Variants in CNTNAP2 observed in about 807,000 individuals in gnomAD.
CNTNAP2 encodes contactin-associated protein-like 2.
CNTNAP2 carries 98 observed loss-of-function variants against 155.2 expected under a neutral mutation model. The observed-to-expected ratio is 0.63, with a 90% CI of 0.54 to 0.75. The LOEUF (loss-of-function observed/expected upper bound fraction) is 0.75, where lower values mean the gene tolerates loss of function less well. Ranked by LOEUF, CNTNAP2 falls within the 30% of genes least tolerant of loss-of-function variation. The pLI, the probability that CNTNAP2 is intolerant of heterozygous loss-of-function variation, is 0.00. For synonymous variants in CNTNAP2, 651 were observed against 631.2 expected (o/e 1.03, Z -0.47); for missense variants, 1,727 against 1,688.1 (o/e 1.02, Z -0.40).
At chr7:147,873,714 C>T (rs1355744850) in intron 13 of CNTNAP2, among the ~76,000 whole-genome samples, 2 of 152,170 alleles carry the variant, frequency 1.3e-5, no homozygotes, top group Non-Finnish European at 2.9e-5. Context: ...GCCTTTCCAA[C>T]GGACCTCCAA....
intron 7 of CNTNAP2, among the ~76,000 whole-genome samples, chr7:147,131,169 A>G (rs1801348385): frequency 6.6e-6 from 1 of 150,608 alleles, no homozygotes; most frequent in African/African-American, 2.4e-5. Flanking sequence ...ATATATATGT[A>G]CCATATACAT....
intron 22 of CNTNAP2, among the ~76,000 whole-genome samples, chr7:148,392,873 C>G (rs1460875234): frequency 1.3e-5 from 2 of 150,176 alleles, no homozygotes; most frequent in African/African-American, 4.9e-5. Context: ...TGTAACAACC[C>G]CATACCCCCA....
chr7:146,766,800 C>G (rs1425506486), intron 1 of CNTNAP2, among the ~76,000 whole-genome samples: 1 of 152,054 alleles, frequency 6.6e-6, no homozygotes, highest in Non-Finnish European at 1.5e-5. Context: ...TCATCAAGGT[C>G]CAAATTGGAA....
At chr7:147,267,291 G>A (rs1004205329) in intron 8 of CNTNAP2, among the ~76,000 whole-genome samples, 1 of 152,070 alleles carries the variant, frequency 6.6e-6, no homozygotes, top group East Asian at 1.9e-4. Flanking sequence ...TTCAAACAGA[G>A]TAATGAAAAG....
At chr7:148,288,110 T>C (rs1392441000) in intron 21 of CNTNAP2, among the ~76,000 whole-genome samples, 2 of 144,416 alleles carry the variant, frequency 1.4e-5, no homozygotes, top group Non-Finnish European at 3.0e-5. Flanking sequence ...TCTTTTCTTT[T>C]TTTTTTTTAA....
intron 13 of CNTNAP2, among the ~76,000 whole-genome samples, chr7:147,727,133 A>G (rs2116459323): frequency 6.6e-6 from 1 of 152,090 alleles, no homozygotes; most frequent in South Asian, 2.1e-4. Flanking sequence ...ACAAAAGAAG[A>G]CAGATAGCAT....
At chr7:147,346,143 A>ATTTT (rs1219413581) in intron 9 of CNTNAP2, among the ~76,000 whole-genome samples, 1 of 10,474 alleles carries the variant, frequency 9.5e-5, no homozygotes, top group Admixed American at 1.3e-3. Context: ...ATTTTATTTT[A>ATTTT]TTTTATTTTA....
chr7:147,177,984 G>C (rs561405326), intron 8 of CNTNAP2, among the ~76,000 whole-genome samples: 2 of 152,040 alleles, frequency 1.3e-5, no homozygotes, highest in Non-Finnish European at 1.5e-5. Context: ...CTTACATGCA[G>C]AGAATCCACT....
chr7:147,685,079 T>C (rs1040821977), intron 13 of CNTNAP2, among the ~76,000 whole-genome samples: 1 of 151,964 alleles, frequency 6.6e-6, no homozygotes, highest in Non-Finnish European at 1.5e-5. Context: ...CAAAAATCTA[T>C]TTTCTCTTGC....
chr7:146,697,968 T>C (rs1001760390), intron 1 of CNTNAP2, among the ~76,000 whole-genome samples: 16 of 152,300 alleles, frequency 1.1e-4, no homozygotes, highest in African/African-American at 3.4e-4. Flanking sequence ...TTACCTGTTT[T>C]TAGAGATTAC....
intron 1 of CNTNAP2, among the ~76,000 whole-genome samples, chr7:146,556,134 T>C (rs958980553): frequency 1.9e-4 from 29 of 152,330 alleles, no homozygotes; most frequent in African/African-American, 7.0e-4. Context: ...TTCATGGTTA[T>C]ACTTTTTTCT....
intron 1 of CNTNAP2, among the ~76,000 whole-genome samples, chr7:146,742,781 T>C (rs1801742080): frequency 1.3e-5 from 2 of 152,176 alleles, no homozygotes; most frequent in Non-Finnish European, 2.9e-5. Flanking sequence ...GTAATAGATA[T>C]ATTCGGGAAA....
chr7:146,443,516 T>A (rs374640100), intron 1 of CNTNAP2, among the ~76,000 whole-genome samples: 1 of 152,202 alleles, frequency 6.6e-6, no homozygotes, highest in Non-Finnish European at 1.5e-5. Context: ...AAAGCCGTAA[T>A]AACTCTTACT....
At chr7:148,023,629 C>G (rs1180976387) in intron 15 of CNTNAP2, among the ~76,000 whole-genome samples, 1 of 152,022 alleles carries the variant, frequency 6.6e-6, no homozygotes, top group African/African-American at 2.4e-5. Flanking sequence ...GCTGCACCAG[C>G]TTCTTGAGTG....
chr7:146,981,339 G>A (rs74759332), intron 3 of CNTNAP2, among the ~76,000 whole-genome samples: 4 of 152,274 alleles, frequency 2.6e-5, no homozygotes, highest in African/African-American at 7.2e-5. Flanking sequence ...AAAAATAGAT[G>A]AGAACAGTAG....
At chr7:147,645,471 T>C (rs1159508860) in intron 13 of CNTNAP2, among the ~76,000 whole-genome samples, 7 of 152,178 alleles carry the variant, frequency 4.6e-5, no homozygotes, top group African/African-American at 1.7e-4. Flanking sequence ...AATTGGGTGA[T>C]ATAATTAAAT....
At chr7:147,791,470 T>C (rs1183505893) in intron 13 of CNTNAP2, among the ~76,000 whole-genome samples, 2 of 139,786 alleles carry the variant, frequency 1.4e-5, no homozygotes, top group East Asian at 2.2e-4. Flanking sequence ...TTTTTTTTTT[T>C]CATTTAGGTA....
At chr7:148,310,548 G>C in intron 21 of CNTNAP2, among the ~76,000 whole-genome samples, 1 of 152,196 alleles carries the variant, frequency 6.6e-6, no homozygotes, top group East Asian at 1.9e-4. Context: ...CGACAAGCAA[G>C]GGAATTAGTG....
chr7:148,361,322 C>T (rs541388680), intron 21 of CNTNAP2, among the ~76,000 whole-genome samples: 4 of 152,172 alleles, frequency 2.6e-5, no homozygotes, highest in Admixed American at 6.5e-5. Flanking sequence ...TCAAGGGGCC[C>T]GGGATTACAC....
Sources: allele counts gnomAD v4.1 joint callset (sites outside exome capture counted in the v4.1 genomes callset), GRCh38; gene constraint gnomAD v4.1.1; transcripts MANE v1.5; gene names NCBI Gene and HGNC (gene_info 2026-07-23, HGNC 2026-07-21).